ZNF385D: variants seen among roughly 807,000 people sequenced by gnomAD.
ZNF385D encodes zinc finger protein 659.
ZNF385D carries 15 observed loss-of-function variants against 35.8 expected under a neutral mutation model. That is an observed-to-expected ratio of 0.42 (90% CI 0.28 to 0.64). The LOEUF (loss-of-function observed/expected upper bound fraction) is 0.64. ZNF385D is among the 30% of genes least tolerant of loss of function. The probability of loss-of-function intolerance (pLI) is 0.23; values close to 1 mark genes in which losing one functional copy is unlikely to be tolerated. For synonymous variants in ZNF385D, 212 were observed against 186.8 expected (o/e 1.13, Z -1.10); for missense variants, 474 against 494.6 (o/e 0.96, Z 0.39).
chr3:21,715,861 C>A (rs2068298738), intron 1 of ZNF385D, among the ~76,000 whole-genome samples: 1 of 152,110 alleles, frequency 6.6e-6, no homozygotes, highest in Admixed American at 6.5e-5. Flanking sequence ...TATCTAATTG[C>A]CTACTCAGCA....
chr3:21,741,885 T>C lies in ZNF385D; in HGVS notation c.22+9010A>G, dbSNP rs555717105. Among the ~76,000 whole-genome samples, 4 of 152,250 alleles carry C rather than the reference T, an allele frequency of 2.6e-5. No individual in the cohort carries two copies. In the East Asian group the frequency reaches 5.8e-4, roughly 22 times the overall value. On this transcript the variant is annotated intron_variant, in intron 1 of 7. Transcript: ENST00000281523. ...CTGCCTCTAAGTCTGAACTCTCCCA[T>C]TGGTATAGAAAAATGACAAAGAATA...
chr3:22,011,286 T>A (rs555264327), intron 3 of ZNF385D, among the ~76,000 whole-genome samples: 1 of 152,232 alleles, frequency 6.6e-6, no homozygotes, highest in Non-Finnish European at 1.5e-5. Flanking sequence ...TCTAAAATAT[T>A]GAAGAGCAGT....
At chr3:22,288,090 A>T (rs990135236) in intron 2 of ZNF385D, among the ~76,000 whole-genome samples, 9 of 151,946 alleles carry the variant, frequency 5.9e-5, no homozygotes, top group African/African-American at 2.2e-4. Context: ...CCACTTCTTT[A>T]TGATTGCAAT....
intron 3 of ZNF385D, among the ~76,000 whole-genome samples, chr3:22,036,020 G>A (rs1456728722): frequency 6.6e-6 from 1 of 152,080 alleles, no homozygotes; most frequent in Non-Finnish European, 1.5e-5. Flanking sequence ...GTGTTTTTCT[G>A]AGCCTTGACA....
chr3:21,422,811 T>G (rs747098566), intron 7 of ZNF385D, among the ~76,000 whole-genome samples: 2 of 152,074 alleles, frequency 1.3e-5, no homozygotes, highest in African/African-American at 2.4e-5. Context: ...AAACTCTCAA[T>G]AAACCATGTA....
At chr3:21,975,739 A>ATATATATATATATATATATATG (rs1703571371) in intron 3 of ZNF385D, among the ~76,000 whole-genome samples, 2 of 48,404 alleles carry the variant, frequency 4.1e-5, no homozygotes, top group Non-Finnish European at 3.8e-5. Flanking sequence ...ATATATATAT[A>ATATATATATATATATATATATG]TATATATATA....
intron 3 of ZNF385D, among the ~76,000 whole-genome samples, chr3:22,015,666 G>C (rs1354319800): frequency 6.6e-6 from 1 of 152,052 alleles, no homozygotes; most frequent in Admixed American, 6.6e-5. Flanking sequence ...AACAACAATG[G>C]CTTTATTACG....
rs999787518 is a variant in ZNF385D at position 21,977,035 on chromosome 3, T to C, written c.325+191782A>G. Among the ~76,000 whole-genome samples, 7 of 152,202 alleles carry C rather than the reference T, an allele frequency of 4.6e-5. No individual in the cohort carries two copies. In the South Asian group the frequency reaches 6.2e-4, roughly 14 times the overall value. ...TAAACCACTGCTACATATAACAACATTGATGAATCAAACATGGTATTGTAC... is the reference window on the plus strand; with the variant it reads ...TAAACCACTGCTACATATAACAACACTGATGAATCAAACATGGTATTGTAC... On this transcript the variant is annotated intron_variant, in intron 3 of 5. Coordinates refer to the ZNF385D transcript ENST00000494108.
chr3:21,609,953 C>G (rs1323006506), intron 2 of ZNF385D, among the ~76,000 whole-genome samples: 6 of 152,136 alleles, frequency 3.9e-5, no homozygotes, highest in Admixed American at 3.3e-4. Context: ...TAAACTGTTT[C>G]CAGTTGCGCA....
intron 2 of ZNF385D, among the ~76,000 whole-genome samples, chr3:22,214,825 G>C (rs974093088): frequency 6.6e-6 from 1 of 151,916 alleles, no homozygotes; most frequent in African/African-American, 2.4e-5. Flanking sequence ...TTTTGCCCTG[G>C]TCCTGTGGTC....
chr3:22,297,229 G>T (rs564784265), intron 2 of ZNF385D, among the ~76,000 whole-genome samples: 5 of 151,882 alleles, frequency 3.3e-5, no homozygotes, highest in South Asian at 2.1e-4. Context: ...CCCTTTATTC[G>T]CAACCCCAGA....
At chr3:21,555,482 TGTTA>T (rs1201488597) in intron 3 of ZNF385D, among the ~76,000 whole-genome samples, 5 of 152,174 alleles carry the variant, frequency 3.3e-5, no homozygotes, top group Non-Finnish European at 7.3e-5. Context: ...TCTGTTCTTC[TGTTA>T]GTTTGCTGAG....
At chr3:21,695,305 A>T (rs1575477481) in intron 1 of ZNF385D, among the ~76,000 whole-genome samples, 1 of 152,138 alleles carries the variant, frequency 6.6e-6, no homozygotes. Flanking sequence ...TAATCTTTGG[A>T]TGCCTCTGGA....
At chr3:22,222,497 G>T (rs369058070) in intron 2 of ZNF385D, among the ~76,000 whole-genome samples, 2 of 152,114 alleles carry the variant, frequency 1.3e-5, no homozygotes, top group African/African-American at 2.4e-5. Context: ...TCTACAAAAG[G>T]ATGATGACAA....
chr3:21,436,962 C>T lies in ZNF385D; in HGVS notation c.673+8G>A. 3 of 1,610,584 alleles carry T rather than the reference C, an allele frequency of 1.9e-6. No individual in the cohort carries two copies. The highest frequency in any genetic ancestry group is 1.7e-6 in the Non-Finnish European group (2 of 1,177,936). ...TGTTGAAACAAAAAAGAAATCGCTGCATCTCACCACTGTTGTGCGCCTCCA... is the reference window on the plus strand; with the variant it reads ...TGTTGAAACAAAAAAGAAATCGCTGTATCTCACCACTGTTGTGCGCCTCCA... On this transcript the variant is annotated splice_region_variant and intron_variant, in intron 5 of 7. Coordinates refer to ENST00000281523, the MANE Select transcript of ZNF385D (RefSeq NM_024697.3).
intron 5 of ZNF385D, among the ~76,000 whole-genome samples, chr3:21,432,430 C>G (rs1701335766): frequency 6.6e-6 from 1 of 152,084 alleles, no homozygotes; most frequent in Non-Finnish European, 1.5e-5. Context: ...AAGACAAAAA[C>G]TAGAATGTGT....
intron 3 of ZNF385D, among the ~76,000 whole-genome samples, chr3:22,168,309 G>C (rs577134218): frequency 6.6e-6 from 1 of 151,764 alleles, no homozygotes; most frequent in South Asian, 2.1e-4. Flanking sequence ...TTAAAAAGTA[G>C]TCTAAAGTTA....
At chr3:21,693,981 C>A (rs1161391132) in intron 1 of ZNF385D, among the ~76,000 whole-genome samples, 1 of 145,562 alleles carries the variant, frequency 6.9e-6, no homozygotes, top group Non-Finnish European at 1.5e-5. Flanking sequence ...CGGGTTCAAG[C>A]GATTCTCCTG....
intron 3 of ZNF385D, among the ~76,000 whole-genome samples, chr3:21,978,863 CACAAATATTCAACTTA>C (rs564674091): frequency 1.4e-3 from 206 of 151,978 alleles, no homozygotes; most frequent in African/African-American, 4.8e-3. Flanking sequence ...TAAAAATATT[CACAAATATTCAACTTA>C]AAAAAAATTT....
Sources: allele counts gnomAD v4.1 joint callset (sites outside exome capture counted in the v4.1 genomes callset), GRCh38; gene constraint gnomAD v4.1.1; transcripts MANE v1.5; gene names NCBI Gene and HGNC (gene_info 2026-07-23, HGNC 2026-07-21).